The following PTGFRN variants were observed in gnomAD, a reference collection of about 807,000 sequenced individuals.
PTGFRN encodes the protein prostaglandin F2 receptor inhibitor.
In PTGFRN, 35 loss-of-function variants were observed where a neutral mutation model predicts 83.2. The observed-to-expected ratio is 0.42, with a 90% confidence interval of 0.32 to 0.56. The LOEUF (loss-of-function observed/expected upper bound fraction) is 0.56. Among genes scored for constraint, PTGFRN ranks in the 20% least tolerant of loss-of-function variants. The probability of loss-of-function intolerance (pLI) is 0.11; values close to 1 mark genes in which losing one functional copy is unlikely to be tolerated. For missense variants in PTGFRN, 1,051 were observed against 1,179.5 expected (o/e 0.89, Z 1.60); for synonymous variants, 519 against 498.6 (o/e 1.04, Z -0.55).
At chr1:116,935,922 G>T (rs1423563512) in intron 1 of PTGFRN, among the ~76,000 whole-genome samples, 2 of 152,108 alleles carry the variant, frequency 1.3e-5, no homozygotes, top group African/African-American at 4.8e-5. Flanking sequence ...TCGTATGAAG[G>T]TTTCTTATAT....
At chr1:116,986,446 G>T (rs1651488082) in intron 8 of PTGFRN, among the ~76,000 whole-genome samples, 1 of 152,130 alleles carries the variant, frequency 6.6e-6, no homozygotes, top group Non-Finnish European at 1.5e-5. Context: ...TTTATGCATG[G>T]TTTTTTTAAG....
chr1:116,922,999 A>G (rs1230944094), intron 1 of PTGFRN, among the ~76,000 whole-genome samples: 2 of 152,222 alleles, frequency 1.3e-5, no homozygotes, highest in Non-Finnish European at 2.9e-5. Context: ...GCTGCCGCCT[A>G]CAGCATGGGC....
rs1047104820 is a variant in PTGFRN, at chr1:116,988,558, A to G, written c.*1591A>G. 2 of 152,570 alleles carry G rather than the reference A, an allele frequency of 1.3e-5. No homozygotes were observed. The highest frequency in any genetic ancestry group is 4.8e-5 in the African/African-American group (2 of 41,412). 9.5% of individuals were successfully genotyped at this position (152,570 alleles called of 1,614,324 possible). On this transcript the variant is annotated 3_prime_UTR_variant, in exon 9 of 9. Coordinates refer to ENST00000393203, the MANE Select transcript of PTGFRN (RefSeq NM_020440.4). ...AACACTGCTCTCTCTTCCAAAGGGG[A>G]AAAAAAGATTCATTTGTTTTGAGCA... is the stretch of plus-strand genomic sequence containing the variant.
At chr1:116,985,800 T>C (rs1214733964) in intron 8 of PTGFRN, among the ~76,000 whole-genome samples, 1 of 152,048 alleles carries the variant, frequency 6.6e-6, no homozygotes, top group African/African-American at 2.4e-5. Flanking sequence ...CCCAGCCTCG[T>C]TGGCCCACGA....
At chr1:116,934,637 A>T (rs1393756466) in intron 1 of PTGFRN, among the ~76,000 whole-genome samples, 4 of 151,894 alleles carry the variant, frequency 2.6e-5, no homozygotes, top group Non-Finnish European at 5.9e-5. Context: ...TCTGTGTCTG[A>T]TAAAACCAAT....
At chr1:116,950,192 G>A (rs915734848) in intron 4 of PTGFRN, among the ~76,000 whole-genome samples, 3 of 152,180 alleles carry the variant, frequency 2.0e-5, no homozygotes, top group Non-Finnish European at 4.4e-5. Context: ...ACAACCTGCC[G>A]TATATGTGGA....
rs748554794 is a variant in PTGFRN, at chr1:116,949,622, CGGAGTTATCTGAA to C, written c.1213+61_1213+73del. On this transcript the variant is annotated intron_variant, in intron 4 of 8. Transcript: ENST00000393203. ...TAACCTCTTCAGCTTAACCCCTCCT[CGGAGTTATCTGAA>C]GGAGTTATCTCAGGAGGCTCTGCGC... 22 of 1,556,512 alleles carry C rather than the reference CGGAGTTATCTGAA, an allele frequency of 1.4e-5. No homozygotes were observed. In the East Asian group the frequency reaches 1.8e-4, roughly 13 times the overall value.
intron 1 of PTGFRN, among the ~76,000 whole-genome samples, chr1:116,936,958 G>A (rs571974490): frequency 3.3e-5 from 5 of 152,318 alleles, no homozygotes; most frequent in African/African-American, 1.2e-4. Context: ...AAACATAAAT[G>A]TTCATAAAGT....
chr1:116,942,198 C>A lies in PTGFRN; in HGVS notation c.418+115C>A. 12 of 1,319,020 alleles carry A rather than the reference C, an allele frequency of 9.1e-6. No homozygotes were observed. The South Asian group carries it at 1.8e-4, about 20-fold the overall frequency. 81.7% of individuals were successfully genotyped at this position (1,319,020 alleles called of 1,614,324 possible). A position where few individuals can be genotyped will look rare whatever the true frequency, so the allele number is the denominator to read the frequency against. ...TCTGAGGCTCTGCTCCCTCCTCTGT[C>A]CAGGGGAATAATCATGTCTTAAATA... On this transcript the variant is annotated intron_variant, in intron 2 of 8. Transcript: ENST00000393203.
chr1:116,965,609 C>T (rs1372315442), intron 5 of PTGFRN, among the ~76,000 whole-genome samples: 1 of 145,682 alleles, frequency 6.9e-6, no homozygotes, highest in East Asian at 2.0e-4. Context: ...AATGTTGCCT[C>T]CTCAGTGAGG....
intron 1 of PTGFRN, among the ~76,000 whole-genome samples, chr1:116,933,036 C>T (rs375571794): frequency 5.3e-5 from 8 of 152,286 alleles, no homozygotes; most frequent in African/African-American, 1.7e-4. Context: ...CTCAGTCAGT[C>T]AGTGCATGCC....
chr1:116,920,784 G>A (rs1201826087), intron 1 of PTGFRN, among the ~76,000 whole-genome samples: 2 of 151,998 alleles, frequency 1.3e-5, no homozygotes, highest in East Asian at 3.9e-4. Flanking sequence ...CCACTACACC[G>A]GGCTAATTTT....
intron 6 of PTGFRN, among the ~76,000 whole-genome samples, chr1:116,973,553 C>G (rs889501018): frequency 6.8e-6 from 1 of 146,542 alleles, no homozygotes; most frequent in Non-Finnish European, 1.5e-5. Context: ...TGCAGTGAGC[C>G]GAGATCACAC....
intron 1 of PTGFRN, among the ~76,000 whole-genome samples, chr1:116,916,286 C>G (rs1477406841): frequency 6.6e-6 from 1 of 152,188 alleles, no homozygotes; most frequent in Non-Finnish European, 1.5e-5. Flanking sequence ...GCTACTGTTG[C>G]TCTGTCTAGG....
At position 116,923,432 on chromosome 1, in the gene PTGFRN, G is replaced by C. The variant is rs935994572; in HGVS notation, c.49+13180G>C. Among the ~76,000 whole-genome samples the C allele has an allele frequency of 6.6e-6, 1 of 152,172 alleles. No individual in the cohort carries two copies. Among genetic ancestry groups the C allele is most frequent in the African/African-American group, 2.4e-5 (1 of 41,434 alleles). On this transcript the variant is annotated intron_variant, in intron 1 of 8. Transcript: ENST00000393203. This position sits in a 1 kb window ranked among gnomAD's most constrained non-coding sequence, Gnocchi z 4.0. ...AAAAATGAAATCTATACATGTTAAA[G>C]AAGGGGTGAGAAAAGTCTCCATTCT...
At chr1:116,973,933 G>A (rs546664219) in intron 6 of PTGFRN, among the ~76,000 whole-genome samples, 3 of 152,326 alleles carry the variant, frequency 2.0e-5, no homozygotes, top group East Asian at 1.9e-4. Flanking sequence ...GGTAGCTTTC[G>A]AATGAGGTCA....
At chr1:116,986,055 A>G (rs969129070) in intron 8 of PTGFRN, among the ~76,000 whole-genome samples, 4 of 152,246 alleles carry the variant, frequency 2.6e-5, no homozygotes, top group African/African-American at 9.6e-5. Context: ...TAGCTCTTCC[A>G]CAGACTACTT....
At chr1:116,940,882 C>T (rs1205715579) in intron 1 of PTGFRN, among the ~76,000 whole-genome samples, 1 of 152,202 alleles carries the variant, frequency 6.6e-6, no homozygotes, top group Admixed American at 6.5e-5. Context: ...TGCTGAAGTT[C>T]ATTGCAATGA....
Position 116,961,457 on chromosome 1 carries a change from A to G in PTGFRN, c.1428A>G (p.Gly476=), listed in dbSNP as rs753366865. 5.6e-6 allele frequency: 9 copies of G among 1,614,144 alleles called. No homozygotes were observed. The highest frequency in any genetic ancestry group is 7.6e-6 in the Non-Finnish European group (9 of 1,180,028). Residue 476 remains glycine (G), a synonymous_variant, in exon 5 of 9, where the codon GGA becomes GGG. Coordinates refer to ENST00000393203, the MANE Select transcript of PTGFRN (RefSeq NM_020440.4). The surrounding 1 kb of genome is among the most constrained non-coding windows in gnomAD (Gnocchi z 5.4). ...ACGGGGACTGGACGCTAAAATATGGAGAGAGGAGCAAGCAGCGGGCCCAGG... is the reference window on the plus strand; with the variant it reads ...ACGGGGACTGGACGCTAAAATATGGGGAGAGGAGCAAGCAGCGGGCCCAGG... ...VMDGDWTLKY[G]ERSKQRAQDG...
Sources: allele counts gnomAD v4.1 joint callset (sites outside exome capture counted in the v4.1 genomes callset), GRCh38; gene constraint gnomAD v4.1.1; non-coding constraint Gnocchi (gnomAD v3.1); transcripts MANE v1.5; gene names NCBI Gene and HGNC (gene_info 2026-07-23, HGNC 2026-07-21).